GTF2H1: variants seen among roughly 807,000 people sequenced by gnomAD.
The protein encoded by GTF2H1 is general transcription factor IIH subunit 1, also known as BTF2 p62.
A neutral mutation model predicts 71.2 loss-of-function variants in GTF2H1; 16 were observed. The ratio of observed to expected loss-of-function variants is 0.22; its 90% CI spans 0.15 to 0.34. GTF2H1 has a LOEUF of 0.34. GTF2H1 is among the 10% of genes least tolerant of loss of function. GTF2H1 has a pLI of 1.00. For missense variants in GTF2H1, 498 were observed against 648.2 expected (o/e 0.77, Z 2.52); for synonymous variants, 215 against 219.0 (o/e 0.98, Z 0.16).
At chr11:18,333,491 A>G in intron 2 of GTF2H1, 1 of 249,282 alleles carries the variant, frequency 4.0e-6, no homozygotes, top group Non-Finnish European at 7.6e-6. Flanking sequence ...ACTCCACTAA[A>G]TGAATATACA....
At chr11:18,329,830 A>G (rs979913788) in intron 1 of GTF2H1, among the ~76,000 whole-genome samples, 3 of 152,260 alleles carry the variant, frequency 2.0e-5, no homozygotes, top group Non-Finnish European at 4.4e-5. Context: ...ATGAACTGAT[A>G]CATATACAAC....
chr11:18,337,634 C>G (rs1464463173), intron 3 of GTF2H1, among the ~76,000 whole-genome samples: 1 of 151,840 alleles, frequency 6.6e-6, no homozygotes, highest in Non-Finnish European at 1.5e-5. Flanking sequence ...AAACATAATA[C>G]AAATAAAAAT....
Position 18,339,600 on chromosome 11 carries a change from C to G in GTF2H1, c.550C>G (p.Leu184Val), listed in dbSNP as rs993755814. The G allele has an allele frequency of 6.2e-7, 1 of 1,613,472 alleles. No homozygotes were observed. Among genetic ancestry groups the G allele is most frequent in the South Asian group, 1.1e-5 (1 of 91,064 alleles). ...GCCCCAAACTGATGGCTGTAACGGT[C>G]TAAGATATAATTTAACTTCTGATAT... ...VRPQTDGCNG[L>V]RYNLTSDIIE... Residue 184 changes from leucine to valine, a missense_variant, in exon 5 of 15, where the codon CTA (leucine) becomes GTA (valine). Leu to Val is a conservative substitution (Grantham distance 32). Transcript: ENST00000265963.
intron 7 of GTF2H1, among the ~76,000 whole-genome samples, chr11:18,345,858 C>T (rs1489336003): frequency 7.0e-6 from 1 of 143,818 alleles, no homozygotes; most frequent in Non-Finnish European, 1.5e-5. Flanking sequence ...AGCACCATCT[C>T]GGCTCACTGC....
At chr11:18,325,095 C>G (rs987877436) in intron 1 of GTF2H1, among the ~76,000 whole-genome samples, 2 of 152,204 alleles carry the variant, frequency 1.3e-5, no homozygotes, top group Non-Finnish European at 2.9e-5. Context: ...TGTATGCTGG[C>G]AGATATAACA....
intron 1 of GTF2H1, chr11:18,332,667 T>C (rs1864927710): frequency 1.3e-5 from 2 of 153,750 alleles, no homozygotes; most frequent in African/African-American, 2.4e-5. Context: ...TTGCAGACTT[T>C]AGTTTCAATT....
At chr11:18,325,424 A>T (rs1434929832) in intron 1 of GTF2H1, among the ~76,000 whole-genome samples, 3 of 152,240 alleles carry the variant, frequency 2.0e-5, no homozygotes, top group African/African-American at 7.2e-5. Flanking sequence ...AAGAGATTGT[A>T]TTCTTTTAAC....
intron 12 of GTF2H1, 130 bp downstream of exon 12, chr11:18,358,172 T>G: frequency 1.5e-6 from 1 of 665,824 alleles, no homozygotes; most frequent in Non-Finnish European, 2.7e-6. Context: ...AGATTTGTTT[T>G]TATACATTCA....
chr11:18,329,047 C>A (rs973230110), intron 1 of GTF2H1, among the ~76,000 whole-genome samples: 3 of 151,938 alleles, frequency 2.0e-5, no homozygotes, highest in African/African-American at 7.3e-5. Flanking sequence ...TGTAAGAAAA[C>A]AAATTCTCAG....
intron 11 of GTF2H1, among the ~76,000 whole-genome samples, 168 bp downstream of exon 11, chr11:18,352,614 A>T (rs1025068980): frequency 2.0e-5 from 3 of 152,236 alleles, no homozygotes; most frequent in African/African-American, 7.2e-5. Context: ...TGTTTGGCAT[A>T]TTCAAGAGGC....
chr11:18,323,339 C>G (rs948555557), intron 1 of GTF2H1, among the ~76,000 whole-genome samples: 2 of 151,926 alleles, frequency 1.3e-5, no homozygotes, highest in South Asian at 2.1e-4. Flanking sequence ...TTCTGTCGTC[C>G]TGGCTGGAAT....
intron 13 of GTF2H1, 56 bp from the exon 14 acceptor site, chr11:18,360,559 G>C: frequency 1.3e-6 from 1 of 786,760 alleles, no homozygotes; most frequent in South Asian, 1.8e-5. Context: ...TTGTTTTTCT[G>C]TTGGTCTCTA....
chr11:18,329,608 C>T (rs1864847463), intron 1 of GTF2H1, among the ~76,000 whole-genome samples: 1 of 152,172 alleles, frequency 6.6e-6, no homozygotes, highest in South Asian at 2.1e-4. Flanking sequence ...TGGCCTTCTC[C>T]ACTATATGCC....
Position 18,339,581 on chromosome 11 carries a change from A to T in GTF2H1, c.531A>T (p.Gln177His). 6.2e-7 allele frequency: 1 copy of T among 1,613,338 alleles called. No individual in the cohort carries two copies. Among genetic ancestry groups the T allele is most frequent in the Non-Finnish European group, 8.5e-7 (1 of 1,179,298 alleles). The stretch of plus-strand genomic sequence containing the variant: ...TGTTTTAGGCTGATGTCCGGCCCCA[A>T]ACTGATGGCTGTAACGGTCTAAGAT... ...SAAFLADVRP[Q>H]TDGCNGLRYN... is the part of the protein sequence containing the mutation. Residue 177 changes from glutamine (Q) to histidine (H), a missense_variant, in exon 5 of 15, where the codon CAA becomes CAT. Coordinates refer to ENST00000265963, the MANE Select transcript of GTF2H1 (RefSeq NM_005316.4).
At chr11:18,343,678 C>T (rs1312835628) in intron 7 of GTF2H1, among the ~76,000 whole-genome samples, 1 of 152,230 alleles carries the variant, frequency 6.6e-6, no homozygotes, top group Non-Finnish European at 1.5e-5. Context: ...TACTTGACAT[C>T]TCCTCTCAGG....
intron 1 of GTF2H1, among the ~76,000 whole-genome samples, chr11:18,329,010 T>A (rs949853564): frequency 1.3e-5 from 2 of 152,222 alleles, no homozygotes; most frequent in Non-Finnish European, 2.9e-5. Context: ...CTTTATCATA[T>A]TTGATATATG....
intron 2 of GTF2H1, among the ~76,000 whole-genome samples, chr11:18,335,154 C>A (rs934285290): frequency 2.6e-5 from 4 of 152,126 alleles, no homozygotes; most frequent in Non-Finnish European, 4.4e-5. Flanking sequence ...TGAATATATT[C>A]AGCTTAAACA....
intron 11 of GTF2H1, among the ~76,000 whole-genome samples, chr11:18,356,315 T>G (rs1590197650): frequency 6.7e-6 from 1 of 148,764 alleles, no homozygotes; most frequent in Non-Finnish European, 1.5e-5. Context: ...GAGGCGGAGG[T>G]TGCAGTGAGC....
chr11:18,331,972 C>T (rs996586938), intron 1 of GTF2H1, among the ~76,000 whole-genome samples: 4 of 152,020 alleles, frequency 2.6e-5, no homozygotes, highest in African/African-American at 7.2e-5. Context: ...CAATTCTCCC[C>T]CTTTGGCCTC....
Sources: gnomAD v4.1 joint callset for allele counts (sites outside exome capture counted in the v4.1 genomes callset) on GRCh38, gnomAD v4.1.1 for gene constraint, MANE v1.5 for transcripts, NCBI Gene and HGNC (gene_info 2026-07-23, HGNC 2026-07-21) for gene names.